Variants in MARCHF1 observed in about 807,000 individuals in gnomAD.
MARCHF1 encodes membrane associated ring-CH-type finger 1.
Under a neutral mutation model 54.2 loss-of-function variants are expected in MARCHF1, and 40 were observed. The ratio of observed to expected loss-of-function variants is 0.74; its 90% CI spans 0.57 to 0.96. MARCHF1 has a LOEUF of 0.96. MARCHF1 is among the 40% of genes least tolerant of loss of function. The pLI, the probability that MARCHF1 is intolerant of heterozygous loss-of-function variation, is 0.00. For missense variants in MARCHF1, 586 were observed against 656.5 expected (o/e 0.89, Z 1.17); for synonymous variants, 236 against 236.3 (o/e 1.00, Z 0.01).
At chr4:164,349,635 C>A (rs1243815799) in intron 1 of MARCHF1, among the ~76,000 whole-genome samples, 1 of 152,094 alleles carries the variant, frequency 6.6e-6, no homozygotes, top group African/African-American at 2.4e-5. Context: ...CATAAGACTT[C>A]AAGTACTCTA....
intron 4 of MARCHF1, among the ~76,000 whole-genome samples, chr4:163,789,520 T>G (rs1035185939): frequency 2.0e-5 from 3 of 151,852 alleles, no homozygotes; most frequent in Non-Finnish European, 4.4e-5. Context: ...AAAAAGAAAA[T>G]AAAAATTTTA....
chr4:163,962,160 C>T (rs1237761765), intron 3 of MARCHF1, among the ~76,000 whole-genome samples: 1 of 151,914 alleles, frequency 6.6e-6, no homozygotes, highest in Non-Finnish European at 1.5e-5. Context: ...ACCCTAAAGC[C>T]AATAGCCTAA....
intron 3 of MARCHF1, among the ~76,000 whole-genome samples, chr4:163,937,940 A>G (rs555766561): frequency 2.0e-5 from 3 of 152,276 alleles, no homozygotes; most frequent in Non-Finnish European, 4.4e-5. Context: ...CCAGACCTAT[A>G]TATCTTGGCT....
At chr4:163,530,453 T>G (rs563468294) in intron 9 of MARCHF1, 1 of 151,982 alleles carries the variant, frequency 6.6e-6, no homozygotes, top group African/African-American at 2.4e-5. Context: ...ATTTTTCACT[T>G]GCTTATCCAG....
intron 2 of MARCHF1, among the ~76,000 whole-genome samples, chr4:164,098,530 G>C (rs187470858): frequency 1.3e-5 from 2 of 152,272 alleles, no homozygotes; most frequent in East Asian, 3.9e-4. Context: ...TTCATGCTGT[G>C]ACATTCAGTC....
chr4:164,229,000 G>A (rs897014263), intron 1 of MARCHF1, among the ~76,000 whole-genome samples: 2 of 152,186 alleles, frequency 1.3e-5, no homozygotes, highest in Non-Finnish European at 2.9e-5. Context: ...TAAGGCAGGG[G>A]CGTCTGTATT....
At chr4:163,855,214 T>TA (rs1489972266) in intron 3 of MARCHF1, among the ~76,000 whole-genome samples, 1 of 152,108 alleles carries the variant, frequency 6.6e-6, no homozygotes, top group African/African-American at 2.4e-5. Context: ...ACGAAAGTGA[T>TA]AAAAAAGATC....
intron 1 of MARCHF1, among the ~76,000 whole-genome samples, chr4:164,122,996 A>C (rs1756103955): frequency 6.6e-6 from 1 of 152,168 alleles, no homozygotes; most frequent in Non-Finnish European, 1.5e-5. Flanking sequence ...AAGGGCATCC[A>C]AACTGGAAAG....
At chr4:164,036,622 T>C (rs1248576041) in intron 2 of MARCHF1, among the ~76,000 whole-genome samples, 1 of 152,218 alleles carries the variant, frequency 6.6e-6, no homozygotes, top group African/African-American at 2.4e-5. Flanking sequence ...TTTATTTTTA[T>C]TTAATCATTC....
intron 3 of MARCHF1, among the ~76,000 whole-genome samples, chr4:163,885,945 A>C (rs1750520992): frequency 6.8e-6 from 1 of 147,804 alleles, no homozygotes; most frequent in Non-Finnish European, 1.5e-5. Flanking sequence ...ATATATATAA[A>C]TATATATATT....
chr4:163,836,427 A>C (rs1162706057), intron 4 of MARCHF1, among the ~76,000 whole-genome samples: 1 of 146,026 alleles, frequency 6.8e-6, no homozygotes, highest in Non-Finnish European at 1.5e-5. Context: ...TTGTATTTTT[A>C]GTAGAGACGG....
intron 2 of MARCHF1, among the ~76,000 whole-genome samples, chr4:164,014,187 T>C: frequency 8.7e-6 from 1 of 114,490 alleles, no homozygotes; most frequent in South Asian, 2.9e-4. Flanking sequence ...TGAGACTGCA[T>C]CTCAAAAAAA....
intron 5 of MARCHF1, among the ~76,000 whole-genome samples, chr4:163,647,974 A>T (rs529471735): frequency 3.2e-4 from 49 of 151,622 alleles, no homozygotes; most frequent in East Asian, 1.7e-3. Context: ...TTGGTTTTTT[A>T]AAAAAAAGAC....
chr4:163,950,976 G>C (rs1046043245), intron 3 of MARCHF1, among the ~76,000 whole-genome samples: 10 of 152,120 alleles, frequency 6.6e-5, no homozygotes, highest in African/African-American at 2.2e-4. Flanking sequence ...TATTGCAAAA[G>C]CATGAAATGT....
At chr4:163,889,000 T>C (rs1750597960) in intron 3 of MARCHF1, among the ~76,000 whole-genome samples, 1 of 152,192 alleles carries the variant, frequency 6.6e-6, no homozygotes, top group Non-Finnish European at 1.5e-5. Flanking sequence ...CGATTATTAT[T>C]GCATGGTAGG....
At chr4:163,718,024 C>G (rs1745320695) in intron 4 of MARCHF1, among the ~76,000 whole-genome samples, 2 of 152,246 alleles carry the variant, frequency 1.3e-5, no homozygotes, top group Middle Eastern at 6.8e-3. Context: ...TAATCTCTGA[C>G]AAACCTGACA....
At chr4:163,919,207 T>C (rs770641705) in intron 3 of MARCHF1, among the ~76,000 whole-genome samples, 6 of 152,142 alleles carry the variant, frequency 3.9e-5, no homozygotes, top group Non-Finnish European at 7.4e-5. Flanking sequence ...AATATTTTTT[T>C]GTTTGCTTAA....
At chr4:163,690,904 G>T (rs529497897) in intron 5 of MARCHF1, among the ~76,000 whole-genome samples, 4 of 152,248 alleles carry the variant, frequency 2.6e-5, no homozygotes, top group Admixed American at 1.3e-4. Context: ...TCTCCTTCTG[G>T]GAACCAGAAG....
Position 163,926,805 on chromosome 4 carries a change from G to T in MARCHF1, c.-39+61696C>A, listed in dbSNP as rs373969187. ...TTACTATTTCTAATCCACAATTTGG[G>T]CAGGTATCAATATAAACTATGACAA... On this transcript the variant is annotated intron_variant, in intron 3 of 9. Transcript: ENST00000514618. Among the ~76,000 whole-genome samples the T allele has an allele frequency of 4.6e-5, 7 of 151,404 alleles. No individual in the cohort carries two copies. The East Asian group carries it at 9.7e-4, about 21-fold the overall frequency.
Sources: allele counts gnomAD v4.1 joint callset (sites outside exome capture counted in the v4.1 genomes callset), GRCh38; gene constraint gnomAD v4.1.1; transcripts MANE v1.5; gene names NCBI Gene and HGNC (gene_info 2026-07-23, HGNC 2026-07-21).